Variants in GNG4 observed in about 807,000 individuals in gnomAD.
GNG4 encodes G protein subunit gamma 4.
A neutral mutation model predicts 5.8 loss-of-function variants in GNG4; 4 were observed. The observed-to-expected ratio is 0.69, with a 90% CI of 0.34 to 1.57. GNG4 has a LOEUF of 1.57. Among genes scored for constraint, GNG4 ranks in the 40% most tolerant of loss-of-function variants. GNG4 has a pLI of 0.06. For missense variants in GNG4, 96 were observed against 95.1 expected, an observed-to-expected ratio of 1.01 and a Z score of -0.04; for synonymous variants, 29 against 32.9, an observed-to-expected ratio of 0.88 and a Z score of 0.41.
intron 1 of GNG4, among the ~76,000 whole-genome samples, chr1:235,641,734 C>T (rs562059678): frequency 2.2e-4 from 34 of 152,182 alleles, no homozygotes; most frequent in African/African-American, 7.9e-4. Flanking sequence ...TCAACACTTT[C>T]ACCTGTTGGC....
rs746271406 is a variant in GNG4, at chr1:235,649,129, G to A, written c.-123+533C>T. Among the ~76,000 whole-genome samples, 2 of 152,168 alleles carry A rather than the reference G, an allele frequency of 1.3e-5. No individual in the cohort carries two copies. The highest frequency in any genetic ancestry group is 2.9e-5 in the Non-Finnish European group (2 of 68,016). ...GGTGAGGAAAACCACCCTCAGCTGC[G>A]GTGGCTCCAGCGTCACCCCGAGTGC... On this transcript the variant is annotated intron_variant, in intron 1 of 3. Transcript: ENST00000391854. The surrounding 1 kb of genome is among the most constrained non-coding windows in gnomAD (Gnocchi z 5.7).
intron 1 of GNG4, among the ~76,000 whole-genome samples, chr1:235,634,554 C>T (rs929499569): frequency 2.0e-5 from 3 of 152,206 alleles, no homozygotes; most frequent in Admixed American, 1.3e-4. Flanking sequence ...TATGAAGAAA[C>T]GCAGATTTAT....
At chr1:235,586,924 G>A (rs1687772042) in intron 2 of GNG4, among the ~76,000 whole-genome samples, 1 of 152,090 alleles carries the variant, frequency 6.6e-6, no homozygotes, top group Non-Finnish European at 1.5e-5. Context: ...TACAGTGACT[G>A]CCTTCAAATC....
At chr1:235,556,414 T>C (rs1021346044) in intron 3 of GNG4, among the ~76,000 whole-genome samples, 5 of 151,644 alleles carry the variant, frequency 3.3e-5, no homozygotes, top group Admixed American at 2.0e-4. Context: ...AAAATTTAGC[T>C]GGGCGTGGTG....
intron 1 of GNG4, among the ~76,000 whole-genome samples, chr1:235,628,167 C>T (rs1054527400): frequency 6.6e-5 from 10 of 152,080 alleles, no homozygotes; most frequent in Non-Finnish European, 8.8e-5. Context: ...GCAACAAGAG[C>T]GAAACTCTGT....
At chr1:235,643,402 C>T (rs906931370) in intron 1 of GNG4, among the ~76,000 whole-genome samples, 3 of 152,224 alleles carry the variant, frequency 2.0e-5, no homozygotes, top group Non-Finnish European at 2.9e-5. Context: ...AAAGAACTAA[C>T]ACTCTCCCTG....
chr1:235,600,851 C>A (rs993358684), intron 1 of GNG4, among the ~76,000 whole-genome samples: 1 of 152,234 alleles, frequency 6.6e-6, no homozygotes, highest in Non-Finnish European at 1.5e-5. Flanking sequence ...AGTGGGAAGG[C>A]CCACTGGCTG....
intron 1 of GNG4, among the ~76,000 whole-genome samples, chr1:235,617,766 T>C (rs1223202632): frequency 6.6e-6 from 1 of 151,848 alleles, no homozygotes; most frequent in Non-Finnish European, 1.5e-5. Flanking sequence ...GCACCTGTAG[T>C]TCCAGCTATT....
rs139460381 is a variant in GNG4 at position 235,629,305 on chromosome 1, A to G, written c.-123+20357T>C. Among the ~76,000 whole-genome samples, 505 of 152,196 alleles carry G rather than the reference A, an allele frequency of 3.3e-3. 2 individuals are homozygous for G. Among genetic ancestry groups the G allele is most frequent in the African/African-American group, 0.012 (483 of 41,514 alleles). ...GCTGGGATTACAGGTGTGAGTCACCATACCAAGTTGGGATAACTCTTCTGA... is the reference window on the plus strand; with the variant it reads ...GCTGGGATTACAGGTGTGAGTCACCGTACCAAGTTGGGATAACTCTTCTGA... On this transcript the variant is annotated intron_variant, in intron 1 of 3. Transcript: ENST00000391854.
At chr1:235,586,512 T>C (rs1687763252) in intron 2 of GNG4, among the ~76,000 whole-genome samples, 1 of 152,164 alleles carries the variant, frequency 6.6e-6, no homozygotes, top group Non-Finnish European at 1.5e-5. Context: ...TTTGGATGTT[T>C]GTTCCCTCCA....
rs561805785 is a variant in GNG4, at chr1:235,649,688, G to C, written c.-149C>G. The C allele has an allele frequency of 7.0e-4, 106 of 152,130 alleles. No individual in the cohort carries two copies. The highest frequency in any genetic ancestry group is 2.4e-3 in the African/African-American group (100 of 41,562). 9.4% of individuals were successfully genotyped at this position (152,130 alleles called of 1,614,324 possible). On this transcript the variant is annotated 5_prime_UTR_variant, in exon 1 of 4. Coordinates refer to ENST00000391854, the MANE Select transcript of GNG4 (RefSeq NM_001098722.2). The surrounding 1 kb of genome is among the most constrained non-coding windows in gnomAD (Gnocchi z 5.7). The stretch of plus-strand genomic sequence containing the variant: ...CGGAGCGGGATCACGCGCGGGCTTC[G>C]TCTGCAGCGCGGTGCTCGCGGGGGG...
rs533853180 is a variant in GNG4 at position 235,600,100 on chromosome 1, C to CTTTTTTTTTTTT, written c.-122-4601_-122-4590dup. ...TCCTTTATCTGGTTGCGGAAGAAAGCTTTTTTTTTTTTTTTTTTTTTTTTT... is the reference window on the plus strand; with the variant it reads ...TCCTTTATCTGGTTGCGGAAGAAAGCTTTTTTTTTTTTTTTTTTTTTTTTTTTTTTTTTTTTT... On this transcript the variant is annotated intron_variant, in intron 1 of 3. Coordinates refer to ENST00000391854, the MANE Select transcript of GNG4 (RefSeq NM_001098722.2). Among the ~76,000 whole-genome samples, 111 of 43,138 alleles carry CTTTTTTTTTTTT rather than the reference C, an allele frequency of 2.6e-3. 33 individuals are homozygous for CTTTTTTTTTTTT. The highest frequency in any genetic ancestry group is 6.0e-3 in the African/African-American group (58 of 9,718). The allele number at this position is 43,138 out of a possible 152,430, so 28.3% of individuals were successfully genotyped here. A position where few individuals can be genotyped will look rare whatever the true frequency, so the allele number is the denominator to read the frequency against.
At chr1:235,611,720 G>C (rs922144584) in intron 1 of GNG4, among the ~76,000 whole-genome samples, 4 of 152,084 alleles carry the variant, frequency 2.6e-5, no homozygotes, top group African/African-American at 9.7e-5. Context: ...AACCATTGTG[G>C]GTCTCAGTTT....
chr1:235,585,857 T>C (rs1180773956), intron 2 of GNG4, among the ~76,000 whole-genome samples: 1 of 152,254 alleles, frequency 6.6e-6, no homozygotes, highest in East Asian at 1.9e-4. Context: ...TTAAGTAATT[T>C]TGGAATTCAG....
intron 1 of GNG4, among the ~76,000 whole-genome samples, chr1:235,622,983 T>C (rs1227667498): frequency 6.6e-6 from 1 of 150,872 alleles, no homozygotes; most frequent in Non-Finnish European, 1.5e-5. Flanking sequence ...GAGGTTGCAG[T>C]GAGCTGAGAT....
chr1:235,567,163 A>G (rs1356910970), intron 3 of GNG4, among the ~76,000 whole-genome samples: 1 of 151,988 alleles, frequency 6.6e-6, no homozygotes, highest in East Asian at 1.9e-4. Flanking sequence ...CAAACTCCTG[A>G]GCTCAAGCAA....
intron 1 of GNG4, among the ~76,000 whole-genome samples, chr1:235,623,113 C>G (rs995550553): frequency 1.3e-5 from 2 of 152,100 alleles, no homozygotes; most frequent in East Asian, 3.9e-4. Flanking sequence ...GCCACACCCT[C>G]CAGTTCAAAA....
chr1:235,612,083 AAAAAAAAAG>A (rs1448393821), intron 1 of GNG4, among the ~76,000 whole-genome samples: 1 of 118,978 alleles, frequency 8.4e-6, no homozygotes, highest in African/African-American at 5.3e-5. Context: ...AAAAAAAAAA[AAAAAAAAAG>A]AGGAGAAAGA....
chr1:235,574,185 A>T (rs905081374), intron 3 of GNG4, among the ~76,000 whole-genome samples: 3 of 152,178 alleles, frequency 2.0e-5, no homozygotes, highest in Non-Finnish European at 4.4e-5. Context: ...AGCCTGGACA[A>T]CATGGTGAAA....
Sources: gnomAD v4.1 joint callset for allele counts (sites outside exome capture counted in the v4.1 genomes callset) on GRCh38, gnomAD v4.1.1 for gene constraint, Gnocchi (gnomAD v3.1) non-coding constraint, MANE v1.5 for transcripts, NCBI Gene and HGNC (gene_info 2026-07-23, HGNC 2026-07-21) for gene names.